The following GFRA1 variants were observed in gnomAD, a reference collection of about 807,000 sequenced individuals.
The protein encoded by GFRA1 is GDNF family receptor alpha 1, also known as GDNF family receptor alpha-1.
In GFRA1, 16 loss-of-function variants were observed where a neutral mutation model predicts 51.6. The observed-to-expected ratio is 0.31, with a 90% CI of 0.21 to 0.47. GFRA1 has a LOEUF of 0.47. Ranked by LOEUF, GFRA1 falls within the 20% of genes least tolerant of loss-of-function variation. GFRA1 has a pLI of 1.00. For synonymous variants in GFRA1, 270 were observed against 241.3 expected (o/e 1.12, Z -1.10); for missense variants, 530 against 594.3 (o/e 0.89, Z 1.13).
At chr10:116,161,688 G>C (rs1167479979) in intron 5 of GFRA1, among the ~76,000 whole-genome samples, 1 of 152,160 alleles carries the variant, frequency 6.6e-6, no homozygotes, top group Non-Finnish European at 1.5e-5. Context: ...AAGTTCTCTT[G>C]CTTGCCGCCA....
chr10:116,119,491 T>A (rs1269147064), intron 6 of GFRA1, among the ~76,000 whole-genome samples: 1 of 152,202 alleles, frequency 6.6e-6, no homozygotes, highest in Non-Finnish European at 1.5e-5. Context: ...GGTTCAAAAG[T>A]TTGCATTGTC....
At chr10:116,174,818 T>C (rs1961419853) in intron 5 of GFRA1, among the ~76,000 whole-genome samples, 1 of 152,234 alleles carries the variant, frequency 6.6e-6, no homozygotes, top group African/African-American at 2.4e-5. Flanking sequence ...TTTAATAAGC[T>C]TTAAAACATG....
chr10:116,186,101 T>C (rs1265664864), intron 5 of GFRA1, among the ~76,000 whole-genome samples: 1 of 152,174 alleles, frequency 6.6e-6, no homozygotes, highest in Non-Finnish European at 1.5e-5. Context: ...GCGGCAGCTA[T>C]TCTATAGCTT....
chr10:116,079,718 G>A, intron 9 of GFRA1, among the ~76,000 whole-genome samples: 1 of 152,224 alleles, frequency 6.6e-6, no homozygotes, highest in South Asian at 2.1e-4. Context: ...AATGTCAATA[G>A]TGCCAATGTC....
chr10:116,253,697 T>G (rs1394019052), intron 4 of GFRA1, among the ~76,000 whole-genome samples: 5 of 152,204 alleles, frequency 3.3e-5, no homozygotes, highest in African/African-American at 1.2e-4. Context: ...GCCTTCTTCC[T>G]AAGCCTCTCT....
intron 5 of GFRA1, among the ~76,000 whole-genome samples, chr10:116,132,596 C>G (rs1958148549): frequency 6.6e-6 from 1 of 151,636 alleles, no homozygotes; most frequent in African/African-American, 2.4e-5. Flanking sequence ...TAACTTAGTC[C>G]CTCACAAATC....
chr10:116,181,396 G>A (rs1271915607), intron 5 of GFRA1, among the ~76,000 whole-genome samples: 3 of 152,194 alleles, frequency 2.0e-5, no homozygotes, highest in Non-Finnish European at 4.4e-5. Context: ...AGTCACCACT[G>A]CTGGCCTCAC....
chr10:116,204,988 A>G (rs1030967681), intron 5 of GFRA1, among the ~76,000 whole-genome samples: 2 of 152,208 alleles, frequency 1.3e-5, no homozygotes, highest in Non-Finnish European at 2.9e-5. Flanking sequence ...AATGATCAAG[A>G]TCAACATCAG....
chr10:116,100,242 A>G (rs778128506), intron 6 of GFRA1, among the ~76,000 whole-genome samples: 30 of 152,238 alleles, frequency 2.0e-4, no homozygotes, highest in Non-Finnish European at 3.4e-4. Flanking sequence ...CATGCCAGGT[A>G]CTGATTTAAC....
intron 4 of GFRA1, among the ~76,000 whole-genome samples, chr10:116,261,153 A>C (rs1284375796): frequency 6.6e-6 from 1 of 152,196 alleles, no homozygotes; most frequent in African/African-American, 2.4e-5. Flanking sequence ...GGGGGAGCAC[A>C]GATTTGAACA....
At chr10:116,215,563 AAG>A (rs1965504264) in intron 4 of GFRA1, among the ~76,000 whole-genome samples, 1 of 152,186 alleles carries the variant, frequency 6.6e-6, no homozygotes, top group South Asian at 2.1e-4. Flanking sequence ...CGGGGCTGAG[AAG>A]GTAAAGTTAG....
At chr10:116,134,682 A>G (rs554261311) in intron 5 of GFRA1, among the ~76,000 whole-genome samples, 1 of 152,190 alleles carries the variant, frequency 6.6e-6, no homozygotes, top group Non-Finnish European at 1.5e-5. Flanking sequence ...TGCAAGCCAT[A>G]CCCAAGTTTT....
intron 5 of GFRA1, among the ~76,000 whole-genome samples, chr10:116,128,877 A>G (rs547373190): frequency 6.6e-6 from 1 of 152,114 alleles, no homozygotes; most frequent in Non-Finnish European, 1.5e-5. Context: ...AAGGCTTTGT[A>G]CAAAGTTGGA....
chr10:116,193,458 G>C (rs1188516534), intron 5 of GFRA1, among the ~76,000 whole-genome samples: 1 of 152,166 alleles, frequency 6.6e-6, no homozygotes, highest in Non-Finnish European at 1.5e-5. Context: ...AAAAGATAAA[G>C]GGTTTCATCA....
chr10:116,092,646 AG>A (rs926894891), intron 8 of GFRA1, among the ~76,000 whole-genome samples: 3 of 152,146 alleles, frequency 2.0e-5, no homozygotes, highest in Non-Finnish European at 4.4e-5. Flanking sequence ...CTTAGGACAC[AG>A]GGGGCCGCAA....
chr10:116,121,746 G>C (rs1290436139), intron 6 of GFRA1, among the ~76,000 whole-genome samples: 1 of 152,130 alleles, frequency 6.6e-6, no homozygotes, highest in East Asian at 1.9e-4. Flanking sequence ...CCTTCCCTTT[G>C]GGGCTATTCA....
intron 5 of GFRA1, among the ~76,000 whole-genome samples, chr10:116,193,998 C>T (rs1458712394): frequency 1.3e-5 from 2 of 149,970 alleles, no homozygotes; most frequent in African/African-American, 5.0e-5. Context: ...GAGATCGCAC[C>T]ACTGTACTCC....
intron 5 of GFRA1, among the ~76,000 whole-genome samples, chr10:116,142,719 A>G (rs1003281238): frequency 5.3e-5 from 8 of 152,220 alleles, no homozygotes; most frequent in African/African-American, 1.9e-4. Flanking sequence ...ATTGATTAAT[A>G]ATGTTTCAGT....
At chr10:116,257,531 A>G (rs1030214805) in intron 4 of GFRA1, among the ~76,000 whole-genome samples, 1 of 152,144 alleles carries the variant, frequency 6.6e-6, no homozygotes, top group Non-Finnish European at 1.5e-5. Flanking sequence ...TGAGGCTAAT[A>G]GCACAGTGCT....
Sources: allele counts gnomAD v4.1 joint callset (sites outside exome capture counted in the v4.1 genomes callset), GRCh38; gene constraint gnomAD v4.1.1; transcripts MANE v1.5; gene names NCBI Gene and HGNC (gene_info 2026-07-23, HGNC 2026-07-21).